The following MEP1B variants were observed in gnomAD, a reference collection of about 807,000 sequenced individuals.
The protein encoded by MEP1B is meprin A subunit beta.
MEP1B carries 80 observed loss-of-function variants against 84.6 expected under a neutral mutation model. The observed-to-expected ratio is 0.95, with a 90% CI of 0.79 to 1.14. The LOEUF (loss-of-function observed/expected upper bound fraction) is 1.14, where lower values mean the gene tolerates loss of function less well. Among genes scored for constraint, MEP1B ranks in the 50% most tolerant of loss-of-function variants. The pLI, the probability that MEP1B is intolerant of heterozygous loss-of-function variation, is 0.00. For missense variants in MEP1B, 766 were observed against 855.1 expected (o/e 0.90, Z 1.30); for synonymous variants, 273 against 288.1 (o/e 0.95, Z 0.53).
chr18:32,193,124 G>T (rs1319915423), intron 4 of MEP1B, among the ~76,000 whole-genome samples: 1 of 152,048 alleles, frequency 6.6e-6, no homozygotes, highest in East Asian at 1.9e-4. Flanking sequence ...TTTAAAATAG[G>T]ACCTCACAGA....
At chr18:32,216,880 AG>A (rs139101168) in intron 12 of MEP1B, 110 bp from the exon 13 acceptor site, 3 of 1,262,806 alleles carry the variant, frequency 2.4e-6, no homozygotes, top group Non-Finnish European at 2.1e-6. Context: ...AAAAAAAAAA[AG>A]AAAGAAAGAA....
At chr18:32,192,569 G>T in intron 2 of MEP1B, 77 bp from the exon 3 acceptor site, 2 of 1,383,900 alleles carry the variant, frequency 1.4e-6, no homozygotes, top group South Asian at 2.4e-5. Flanking sequence ...GCTTAGTTCT[G>T]ATTATATAAA....
At chr18:32,194,006 C>A (rs753686255) in intron 4 of MEP1B, among the ~76,000 whole-genome samples, 41 of 152,134 alleles carry the variant, frequency 2.7e-4, no homozygotes, top group Non-Finnish European at 5.3e-4. Flanking sequence ...GTCCTCTGAT[C>A]AGGTGAACTC....
intron 14 of MEP1B, 68 bp downstream of exon 14, chr18:32,218,033 A>AT: frequency 7.0e-7 from 1 of 1,422,868 alleles, no homozygotes; most frequent in Non-Finnish European, 9.8e-7. Flanking sequence ...GAACTAGGAC[A>AT]TTTTTTATAT....
chr18:32,196,231 C>A lies in MEP1B; in HGVS notation c.250+746C>A. ...TTGGCTGAGAGGAATGAAGAGGATGCCATTGATGCCTTTGAACTGCTCCAA... is the reference window on the plus strand; with the variant it reads ...TTGGCTGAGAGGAATGAAGAGGATGACATTGATGCCTTTGAACTGCTCCAA... On this transcript the variant is annotated intron_variant, in intron 5 of 14. Transcript: ENST00000269202. This position sits in a 1 kb window ranked among gnomAD's most constrained non-coding sequence, Gnocchi z 4.4. 1 of 696,580 alleles carries A rather than the reference C, an allele frequency of 1.4e-6. No individual in the cohort carries two copies. The allele number at this position is 696,580 out of a possible 1,614,324, so 43.1% of individuals were successfully genotyped here.
chr18:32,202,892 GA>G lies in MEP1B; in HGVS notation c.253del (p.Met85Ter). 1 of 1,585,740 alleles carries G rather than the reference GA, an allele frequency of 6.3e-7. No homozygotes were observed. Among genetic ancestry groups the G allele is most frequent in the South Asian group, 1.1e-5 (1 of 88,546 alleles). On this transcript the variant is annotated frameshift_variant and splice_region_variant, in exon 6 of 15. Coordinates refer to ENST00000269202, the MANE Select transcript of MEP1B (RefSeq NM_005925.3). LOFTEE classifies it high-confidence loss of function. Reference protein sequence around the residue: ...TIPYVLEDSLEMNAKGVILNA... With the variant: ...TIPYVLEDSLXMNAKGVILNA... ...TATTTTTGTTTGTTTTCTTCCTTCA[GA>G]AATGAATGCTAAGGGAGTTATCCTC... is the stretch of plus-strand genomic sequence containing the variant.
intron 7 of MEP1B, among the ~76,000 whole-genome samples, chr18:32,206,048 C>G (rs928338008): frequency 6.6e-6 from 1 of 152,056 alleles, no homozygotes; most frequent in African/African-American, 2.4e-5. Context: ...GTGGTGCGAT[C>G]TTGGCTCACT....
Position 32,213,150 on chromosome 18 carries a change from A to G in MEP1B, c.1170A>G (p.Val390=). The part of the protein sequence containing the change: ...IPTGSWQLYH[V]TLKVTKKFRV... Reference sequence around the variant, plus strand: ...CTGGGAGCTGGCAACTTTATCATGTAACATTGAAAGTGACCAAGAAGTTTA... The same window carrying G: ...CTGGGAGCTGGCAACTTTATCATGTGACATTGAAAGTGACCAAGAAGTTTA... Residue 390 remains valine (V), a synonymous_variant, in exon 11 of 15, where the codon GTA becomes GTG. Coordinates refer to ENST00000269202, the MANE Select transcript of MEP1B (RefSeq NM_005925.3). 6.2e-7 allele frequency: 1 copy of G among 1,613,910 alleles called. No individual in the cohort carries two copies. The highest frequency in any genetic ancestry group is 2.2e-5 in the East Asian group (1 of 44,886).
chr18:32,202,000 C>T lies in MEP1B; in HGVS notation c.251-893C>T, dbSNP rs554482167. ...CTCTTACTATCCTCACAATATCCTGCAAAGTTGATTTTATTTCCTCACTTA... is the reference window on the plus strand; with the variant it reads ...CTCTTACTATCCTCACAATATCCTGTAAAGTTGATTTTATTTCCTCACTTA... On this transcript the variant is annotated intron_variant, in intron 5 of 14. Coordinates refer to ENST00000269202, the MANE Select transcript of MEP1B (RefSeq NM_005925.3). 2.6e-5 allele frequency among the ~76,000 whole-genome samples: 4 copies of T among 152,300 alleles called. No individual in the cohort carries two copies. The East Asian group carries it at 7.7e-4, about 29-fold the overall frequency.
At chr18:32,203,210 C>T (rs1167886643) in intron 6 of MEP1B, 200 bp downstream of exon 6, 1 of 469,764 alleles carries the variant, frequency 2.1e-6, no homozygotes, top group Non-Finnish European at 3.8e-6. Flanking sequence ...CGCCTTTAGA[C>T]AAAGTGGAAA....
At chr18:32,216,579 C>T (rs1251149697) in intron 12 of MEP1B, among the ~76,000 whole-genome samples, 5 of 152,184 alleles carry the variant, frequency 3.3e-5, no homozygotes, top group Admixed American at 6.5e-5. Flanking sequence ...CCCTTCTGGG[C>T]TCCCAGAATC....
chr18:32,220,311 A>C lies in MEP1B; in HGVS notation c.*66A>C. 5 of 1,457,238 alleles carry C rather than the reference A, an allele frequency of 3.4e-6. No individual in the cohort carries two copies. The allele number at this position is 1,457,238 out of a possible 1,614,324, so 90.3% of individuals were successfully genotyped here. ...GGATTCTTCATCATGGATTTCGCCT[A>C]AGTGATATTACAGCCACCTCATTCT... is the stretch of plus-strand genomic sequence containing the variant. On this transcript the variant is annotated 3_prime_UTR_variant, in exon 15 of 15. Coordinates refer to ENST00000269202, the MANE Select transcript of MEP1B (RefSeq NM_005925.3).
In MEP1B at chr18:32,199,706, T is replaced by TCCTC. The variant is rs1375221097; in HGVS notation, c.251-3184_251-3183insCCCT. Among the ~76,000 whole-genome samples the TCCTC allele has an allele frequency of 1.2e-4, 18 of 151,638 alleles. No homozygotes were observed. In the East Asian group the frequency reaches 3.5e-3, roughly 29 times the overall value. On this transcript the variant is annotated intron_variant, in intron 5 of 14. Coordinates refer to ENST00000269202, the MANE Select transcript of MEP1B (RefSeq NM_005925.3). ...TTCCTTCCTTCCTTCCTTCCTTCCTTCCTTCTTTCTTTTTTGAGACGAGTT... is the reference window on the plus strand; with the variant it reads ...TTCCTTCCTTCCTTCCTTCCTTCCTTCCTCCCTTCTTTCTTTTTTGAGACGAGTT...
chr18:32,215,285 T>C, intron 12 of MEP1B, 24 bp downstream of exon 12: 2 of 1,474,990 alleles, frequency 1.4e-6, no homozygotes, highest in Non-Finnish European at 1.8e-6. Context: ...AATAGTTTTA[T>C]ATAAACTAGT....
At chr18:32,203,608 A>G (rs2040934206) in intron 6 of MEP1B, among the ~76,000 whole-genome samples, 1 of 152,188 alleles carries the variant, frequency 6.6e-6, no homozygotes, top group South Asian at 2.1e-4. Context: ...TTTTAATATT[A>G]TACAATACCT....
chr18:32,196,888 G>C lies in MEP1B; in HGVS notation c.250+1403G>C, dbSNP rs545966774. 1 of 462,122 alleles carries C rather than the reference G, an allele frequency of 2.2e-6. No individual in the cohort carries two copies. Among genetic ancestry groups the C allele is most frequent in the African/African-American group, 2.0e-5 (1 of 50,172 alleles). 28.6% of individuals were successfully genotyped at this position (462,122 alleles called of 1,614,324 possible). A position where few individuals can be genotyped will look rare whatever the true frequency, so the allele number is the denominator to read the frequency against. On this transcript the variant is annotated intron_variant, in intron 5 of 14. Coordinates refer to ENST00000269202, the MANE Select transcript of MEP1B (RefSeq NM_005925.3). The surrounding 1 kb of genome is among the most constrained non-coding windows in gnomAD (Gnocchi z 4.4). ...ATGTAGTGGAGGCGGGCAAGGAGGCGCAGGCAGGCTCAGATCTCCACGTGC... is the reference window on the plus strand; with the variant it reads ...ATGTAGTGGAGGCGGGCAAGGAGGCCCAGGCAGGCTCAGATCTCCACGTGC...
chr18:32,215,557 G>A (rs1390337962), intron 12 of MEP1B, among the ~76,000 whole-genome samples: 1 of 152,220 alleles, frequency 6.6e-6, no homozygotes, highest in Non-Finnish European at 1.5e-5. Context: ...GGGCGCAGTG[G>A]CTCATGCCTG....
intron 9 of MEP1B, 148 bp from the exon 10 acceptor site, chr18:32,210,353 T>C: frequency 3.1e-6 from 2 of 646,972 alleles, no homozygotes; most frequent in South Asian, 4.1e-5. Flanking sequence ...GTGCCAGATA[T>C]GTAGCTTAGG....
intron 7 of MEP1B, 72 bp downstream of exon 7, chr18:32,204,432 C>A: frequency 8.0e-7 from 1 of 1,251,982 alleles, no homozygotes; most frequent in Non-Finnish European, 1.1e-6. Context: ...CTCTTGTCAT[C>A]TGTGGCAACT....
Sources: gnomAD v4.1 joint callset for allele counts (sites outside exome capture counted in the v4.1 genomes callset) on GRCh38, gnomAD v4.1.1 for gene constraint, Gnocchi (gnomAD v3.1) non-coding constraint, MANE v1.5 for transcripts, NCBI Gene and HGNC (gene_info 2026-07-23, HGNC 2026-07-21) for gene names.